Variants in EPHA6 observed in about 807,000 individuals in gnomAD.
The protein encoded by EPHA6 is EPH receptor A6, also known as ephrin type-A receptor 6.
A neutral mutation model predicts 112.0 loss-of-function variants in EPHA6; 50 were observed. The observed-to-expected ratio is 0.45, with a 90% confidence interval of 0.36 to 0.56. EPHA6 has a LOEUF of 0.56. EPHA6 is among the 20% of genes least tolerant of loss of function. EPHA6 has a pLI of 0.00. For synonymous variants in EPHA6, 529 were observed against 490.7 expected, an observed-to-expected ratio of 1.08 and a Z score of -1.03; for missense variants, 1,280 against 1,417.4, an observed-to-expected ratio of 0.90 and a Z score of 1.56.
At chr3:97,567,025 G>GA (rs909654707) in intron 11 of EPHA6, among the ~76,000 whole-genome samples, 1 of 152,140 alleles carries the variant, frequency 6.6e-6, no homozygotes, top group Non-Finnish European at 1.5e-5. Flanking sequence ...GATTTTTAAG[G>GA]AAAATCAATG....
chr3:96,940,760 T>G (rs1259536194), intron 2 of EPHA6, among the ~76,000 whole-genome samples: 2 of 152,206 alleles, frequency 1.3e-5, no homozygotes, highest in East Asian at 3.8e-4. Flanking sequence ...CCATGTTTAG[T>G]GCTTCCTTCA....
chr3:97,518,357 T>C (rs2092480129), intron 10 of EPHA6, among the ~76,000 whole-genome samples: 2 of 152,158 alleles, frequency 1.3e-5, no homozygotes, highest in South Asian at 2.1e-4. Flanking sequence ...TTTTTATTCA[T>C]ATATCTACTG....
At chr3:97,355,771 T>G (rs565312600) in intron 5 of EPHA6, among the ~76,000 whole-genome samples, 1 of 152,146 alleles carries the variant, frequency 6.6e-6, no homozygotes, top group Admixed American at 6.6e-5. Flanking sequence ...GACCCAAGAT[T>G]ATATTGCCTA....
chr3:97,510,435 A>C (rs2092342994), intron 10 of EPHA6, among the ~76,000 whole-genome samples: 1 of 152,278 alleles, frequency 6.6e-6, no homozygotes. Flanking sequence ...TCCTTCTAGC[A>C]GTCAGGCCCC....
intron 2 of EPHA6, among the ~76,000 whole-genome samples, chr3:96,941,878 G>C (rs2040970475): frequency 6.6e-6 from 1 of 152,334 alleles, no homozygotes; most frequent in South Asian, 2.1e-4. Flanking sequence ...GACCCTGTTT[G>C]CCTGGGTACC....
In EPHA6 at chr3:97,444,108, A is replaced by G. The variant is rs968762873; in HGVS notation, c.1732-4460A>G. ...GATTAGATTTTAGATGTGTATGAAAACACCTTGTAAATTGTAAAGCTCTAC... is the reference window on the plus strand; with the variant it reads ...GATTAGATTTTAGATGTGTATGAAAGCACCTTGTAAATTGTAAAGCTCTAC... On this transcript the variant is annotated intron_variant, in intron 6 of 17. Coordinates refer to ENST00000389672, the MANE Select transcript of EPHA6 (RefSeq NM_001080448.3). Among the ~76,000 whole-genome samples the G allele has an allele frequency of 2.6e-5, 4 of 152,250 alleles. No individual in the cohort carries two copies. In the East Asian group the frequency reaches 7.7e-4, roughly 29 times the overall value.
rs557690305 is a variant in EPHA6 at position 96,960,919 on chromosome 3, A to G, written c.451-26411A>G. On this transcript the variant is annotated intron_variant, in intron 2 of 17. Transcript: ENST00000389672. ...ACCTTCTATCCTTCTCTCCCTTTCC[A>G]CTAGTCTTGAGATCCATTCCCAAGC... Among the ~76,000 whole-genome samples, 160 of 152,030 alleles carry G rather than the reference A, an allele frequency of 1.1e-3. 1 individual carries two copies. The highest frequency in any genetic ancestry group is 3.6e-3 in the African/African-American group (151 of 41,464).
At chr3:97,292,622 C>G (rs1429916068) in intron 5 of EPHA6, among the ~76,000 whole-genome samples, 1 of 152,218 alleles carries the variant, frequency 6.6e-6, no homozygotes, top group African/African-American at 2.4e-5. Flanking sequence ...ATCCAGCTCA[C>G]AACGGAGAGG....
chr3:97,162,643 G>A (rs115344008), intron 3 of EPHA6, among the ~76,000 whole-genome samples: 2,328 of 152,148 alleles, frequency 0.015, 72 homozygotes, highest in African/African-American at 0.053. Flanking sequence ...ATGCCTTTCA[G>A]GAAGGGTGAG....
At chr3:96,997,892 G>T (rs893884465) in intron 3 of EPHA6, among the ~76,000 whole-genome samples, 2 of 151,974 alleles carry the variant, frequency 1.3e-5, no homozygotes, top group African/African-American at 4.8e-5. Context: ...TTTAGAAAAT[G>T]CAATATCTGC....
intron 12 of EPHA6, among the ~76,000 whole-genome samples, chr3:97,598,263 A>C (rs1461574091): frequency 1.3e-5 from 2 of 150,924 alleles, no homozygotes; most frequent in Non-Finnish European, 3.0e-5. Flanking sequence ...CATTTAGTTA[A>C]GTTTTTTTTT....
At chr3:96,965,290 T>C (rs2042084295) in intron 2 of EPHA6, among the ~76,000 whole-genome samples, 2 of 152,128 alleles carry the variant, frequency 1.3e-5, no homozygotes, top group African/African-American at 4.8e-5. Flanking sequence ...CATATTTAGT[T>C]TGCTTTAACA....
At chr3:97,189,312 G>A (rs1000719731) in intron 3 of EPHA6, among the ~76,000 whole-genome samples, 2 of 152,016 alleles carry the variant, frequency 1.3e-5, no homozygotes, top group Admixed American at 1.3e-4. Context: ...AATTGTTTGA[G>A]AAATAGCCCT....
chr3:97,532,299 C>A, intron 10 of EPHA6, 59 bp from the exon 11 acceptor site: 1 of 1,453,882 alleles, frequency 6.9e-7, no homozygotes, highest in African/African-American at 1.4e-5. Flanking sequence ...GACAGTTTGA[C>A]TCTTCTGAAA....
intron 3 of EPHA6, among the ~76,000 whole-genome samples, chr3:97,186,395 TA>T (rs968152376): frequency 9.9e-5 from 15 of 152,254 alleles, no homozygotes; most frequent in Middle Eastern, 3.4e-3. Context: ...TTTCATTTGT[TA>T]AAACTAATCT....
At chr3:97,181,572 A>AGTGT (rs1464004059) in intron 3 of EPHA6, among the ~76,000 whole-genome samples, 1 of 142,044 alleles carries the variant, frequency 7.0e-6, no homozygotes, top group Non-Finnish European at 1.5e-5. Context: ...AAATAGCAGA[A>AGTGT]GTGTATATAT....
chr3:97,320,995 C>A (rs1383484595), intron 5 of EPHA6, among the ~76,000 whole-genome samples: 8 of 151,826 alleles, frequency 5.3e-5, no homozygotes, highest in Non-Finnish European at 1.2e-4. Context: ...AAACTATTGA[C>A]CTTACATAGC....
At chr3:97,452,586 A>G (rs554460801) in intron 7 of EPHA6, among the ~76,000 whole-genome samples, 15 of 151,870 alleles carry the variant, frequency 9.9e-5, no homozygotes, top group African/African-American at 3.4e-4. Flanking sequence ...CTTCTTTAGA[A>G]TAGATTTATC....
chr3:97,674,571 C>CT (rs2031174457), intron 14 of EPHA6, among the ~76,000 whole-genome samples: 1 of 152,112 alleles, frequency 6.6e-6, no homozygotes, highest in Non-Finnish European at 1.5e-5. Context: ...TGTTGTAGCC[C>CT]TGTGACTTAG....
Sources: allele counts gnomAD v4.1 joint callset (sites outside exome capture counted in the v4.1 genomes callset), GRCh38; gene constraint gnomAD v4.1.1; transcripts MANE v1.5; gene names NCBI Gene and HGNC (gene_info 2026-07-23, HGNC 2026-07-21).